The following SV2C variants were observed in gnomAD, a reference collection of about 807,000 sequenced individuals.
SV2C encodes solute carrier family 22 member B3.
SV2C carries 49 observed loss-of-function variants against 79.7 expected under a neutral mutation model. The observed-to-expected ratio is 0.61, with a 90% CI of 0.49 to 0.78. SV2C has a LOEUF of 0.78. Among genes scored for constraint, SV2C ranks in the 30% least tolerant of loss-of-function variants. The pLI is 0.00. For synonymous variants in SV2C, 334 were observed against 333.2 expected (o/e 1.00, Z -0.03); for missense variants, 833 against 912.9 (o/e 0.91, Z 1.13).
chr5:76,209,997 T>A (rs552626450), intron 4 of SV2C, 110 bp downstream of exon 4: 1 of 1,280,734 alleles, frequency 7.8e-7, no homozygotes, highest in South Asian at 1.5e-5. Context: ...CTACTCATCA[T>A]CATGTTTCTC....
intron 9 of SV2C, among the ~76,000 whole-genome samples, chr5:76,298,551 A>G (rs1341034075): frequency 6.6e-6 from 1 of 152,212 alleles, no homozygotes; most frequent in Non-Finnish European, 1.5e-5. Flanking sequence ...AGCTAAGGGA[A>G]GTTAGGAGTG....
At chr5:76,340,429 C>A (rs1343986670) in intron 12 of SV2C, among the ~76,000 whole-genome samples, 2 of 152,164 alleles carry the variant, frequency 1.3e-5, no homozygotes, top group African/African-American at 4.8e-5. Context: ...CTCTTGGGGT[C>A]TGATTGGGAT....
At chr5:76,245,999 C>G (rs1470765938) in intron 4 of SV2C, among the ~76,000 whole-genome samples, 2 of 148,800 alleles carry the variant, frequency 1.3e-5, no homozygotes, top group African/African-American at 5.0e-5. Context: ...GGTTTTTTTT[C>G]CAGCATATAG....
At chr5:75,997,886 A>G in the SV2C span, among the ~76,000 whole-genome samples, 1 of 152,134 alleles carries the variant, frequency 6.6e-6, no homozygotes, top group African/African-American at 2.4e-5. Flanking sequence ...AAAGGCACAT[A>G]CACACGTATG....
chr5:76,121,126 G>T (rs1274517750), intron 1 of SV2C, among the ~76,000 whole-genome samples: 1 of 150,944 alleles, frequency 6.6e-6, no homozygotes, highest in African/African-American at 2.5e-5. Flanking sequence ...CAGTGATGAT[G>T]AGCATTTTTT....
chr5:75,871,816 AAT>A, the SV2C span, among the ~76,000 whole-genome samples: 1,814 of 116,694 alleles, frequency 0.016, 20 homozygotes, highest in Middle Eastern at 0.025. Context: ...CAAATATATA[AAT>A]ATATATATAT....
chr5:75,863,047 A>G, the SV2C span, among the ~76,000 whole-genome samples: 4 of 152,184 alleles, frequency 2.6e-5, no homozygotes, highest in Non-Finnish European at 2.9e-5. Flanking sequence ...GGGAGGACCA[A>G]CACCTTTCTC....
chr5:76,036,821 A>C, the SV2C span, among the ~76,000 whole-genome samples: 2 of 152,204 alleles, frequency 1.3e-5, no homozygotes, highest in Non-Finnish European at 2.9e-5. Flanking sequence ...GTTCTCCTGC[A>C]TAATATCCTG....
intron 4 of SV2C, among the ~76,000 whole-genome samples, chr5:76,226,410 T>C (rs1337950247): frequency 6.6e-6 from 1 of 152,130 alleles, no homozygotes; most frequent in African/African-American, 2.4e-5. Context: ...ATTCCAGCCA[T>C]ACAGATATTA....
chr5:76,116,006 C>T (rs1429362340), intron 1 of SV2C, among the ~76,000 whole-genome samples: 1 of 152,228 alleles, frequency 6.6e-6, no homozygotes, highest in Non-Finnish European at 1.5e-5. Context: ...TTGGGCTTCT[C>T]TTTAAATTTC....
chr5:75,909,121 T>C, the SV2C span, among the ~76,000 whole-genome samples: 1 of 152,304 alleles, frequency 6.6e-6, no homozygotes, highest in African/African-American at 2.4e-5. Context: ...AGAATCCAGG[T>C]TTCCTGACAG....
chr5:75,996,757 G>A, the SV2C span, among the ~76,000 whole-genome samples: 249 of 151,740 alleles, frequency 1.6e-3, 7 homozygotes, highest in East Asian at 0.042. Context: ...TTGTGAATGG[G>A]AGTTCGCTCA....
chr5:75,859,131 G>T, the SV2C span, among the ~76,000 whole-genome samples: 1 of 150,876 alleles, frequency 6.6e-6, no homozygotes, highest in East Asian at 1.9e-4. Flanking sequence ...TTTTGGTTTT[G>T]GTTTGCTCTT....
chr5:76,154,668 C>T (rs764820757), intron 2 of SV2C, among the ~76,000 whole-genome samples: 9 of 152,102 alleles, frequency 5.9e-5, no homozygotes, highest in African/African-American at 1.2e-4. Flanking sequence ...GTTCTGTGGA[C>T]CTGATCCACA....
At chr5:75,864,346 ATCCAT>A in the SV2C span, among the ~76,000 whole-genome samples, 4 of 151,866 alleles carry the variant, frequency 2.6e-5, no homozygotes, top group African/African-American at 9.7e-5. Flanking sequence ...CCATCCATCC[ATCCAT>A]CCATTCATTT....
At chr5:76,294,376 G>A (rs1049087095) in intron 8 of SV2C, among the ~76,000 whole-genome samples, 9 of 141,122 alleles carry the variant, frequency 6.4e-5, no homozygotes, top group African/African-American at 1.6e-4. Context: ...ATATCGGCTC[G>A]CTGCAACCTC....
chr5:75,888,685 TTC>T, the SV2C span, among the ~76,000 whole-genome samples: 3 of 152,112 alleles, frequency 2.0e-5, no homozygotes, highest in Non-Finnish European at 4.4e-5. Context: ...TGTCTTGGCA[TTC>T]TGTTACAGCA....
chr5:76,049,019 G>GA, the SV2C span, among the ~76,000 whole-genome samples: 1 of 89,262 alleles, frequency 1.1e-5, no homozygotes, highest in African/African-American at 3.9e-5. Flanking sequence ...AAGAAAGAAA[G>GA]AAAGAAAAAG....
intron 2 of SV2C, among the ~76,000 whole-genome samples, chr5:76,161,606 A>C (rs1029176190): frequency 6.6e-6 from 1 of 152,106 alleles, no homozygotes; most frequent in Non-Finnish European, 1.5e-5. Flanking sequence ...AAATGGTAGG[A>C]TTACAGGTAC....
Sources: allele counts gnomAD v4.1 joint callset (sites outside exome capture counted in the v4.1 genomes callset), GRCh38; gene constraint gnomAD v4.1.1; transcripts MANE v1.5; gene names NCBI Gene and HGNC (gene_info 2026-07-23, HGNC 2026-07-21).